Variants in PTN observed in about 807,000 individuals in gnomAD.
The protein encoded by PTN is heparin affin regulatory protein.
PTN carries 18 observed loss-of-function variants against 24.1 expected under a neutral mutation model. That is an observed-to-expected ratio of 0.75 (90% CI 0.52 to 1.11). The LOEUF is 1.11. Ranked by LOEUF, PTN falls within the 50% of genes least tolerant of loss-of-function variation. PTN has a pLI of 0.00. For missense variants in PTN, 163 were observed against 198.8 expected (o/e 0.82, Z 1.08); for synonymous variants, 78 against 68.6 (o/e 1.14, Z -0.67).
chr7:137,270,603 A>C (rs2128874317), intron 1 of PTN, among the ~76,000 whole-genome samples: 1 of 152,360 alleles, frequency 6.6e-6, no homozygotes, highest in East Asian at 1.9e-4. Flanking sequence ...TAAATTATTC[A>C]AAAACTTTGT....
At chr7:137,289,202 G>T (rs1216972509) in intron 1 of PTN, among the ~76,000 whole-genome samples, 1 of 152,182 alleles carries the variant, frequency 6.6e-6, no homozygotes, top group East Asian at 1.9e-4. Flanking sequence ...ATTGATAAAA[G>T]AAGGGAACAT....
chr7:137,338,105 C>T (rs988285397), intron 1 of PTN, among the ~76,000 whole-genome samples: 15 of 152,086 alleles, frequency 9.9e-5, no homozygotes, highest in African/African-American at 3.6e-4. Flanking sequence ...AGAAATATAG[C>T]TCCACCTAGA....
At chr7:137,339,338 T>C (rs1450630162) in intron 1 of PTN, among the ~76,000 whole-genome samples, 1 of 152,044 alleles carries the variant, frequency 6.6e-6, no homozygotes, top group Non-Finnish European at 1.5e-5. Flanking sequence ...TGCTACATTG[T>C]CCAGCACAAT....
At chr7:137,302,570 G>A (rs1192096678) in intron 1 of PTN, among the ~76,000 whole-genome samples, 1 of 151,902 alleles carries the variant, frequency 6.6e-6, no homozygotes, top group Non-Finnish European at 1.5e-5. Context: ...AACTATCAGT[G>A]CCCTCGTCTA....
intron 1 of PTN, among the ~76,000 whole-genome samples, chr7:137,292,824 G>A (rs1167648189): frequency 6.6e-6 from 1 of 152,186 alleles, no homozygotes; most frequent in East Asian, 1.9e-4. Flanking sequence ...GCACAGAAAA[G>A]GAGGGCTGAC....
At chr7:137,322,487 T>C (rs1432680445) in intron 1 of PTN, among the ~76,000 whole-genome samples, 1 of 152,220 alleles carries the variant, frequency 6.6e-6, no homozygotes, top group Non-Finnish European at 1.5e-5. Context: ...ACTGACCTTG[T>C]TTTAAGATCA....
intron 1 of PTN, among the ~76,000 whole-genome samples, chr7:137,297,242 T>C (rs1304502070): frequency 2.0e-5 from 3 of 152,124 alleles, no homozygotes; most frequent in East Asian, 1.9e-4. Context: ...ATAGTTAAAT[T>C]TGGTTTGGAT....
intron 1 of PTN, among the ~76,000 whole-genome samples, chr7:137,319,138 T>C (rs1469229982): frequency 6.6e-6 from 1 of 152,180 alleles, no homozygotes; most frequent in Non-Finnish European, 1.5e-5. Context: ...TCTGGAGTAA[T>C]AGGAAATCAT....
chr7:137,231,863 C>T (rs1808432137), intron 4 of PTN, among the ~76,000 whole-genome samples: 1 of 151,878 alleles, frequency 6.6e-6, no homozygotes, highest in African/African-American at 2.4e-5. Context: ...AGAATAGAGA[C>T]CTGATTAAAC....
At chr7:137,311,402 T>C (rs322340) in intron 1 of PTN, among the ~76,000 whole-genome samples, 132,249 of 152,178 alleles carry the variant, frequency 0.87, 57,699 homozygotes, top group Admixed American at 0.92. Flanking sequence ...ACTGGAGTAA[T>C]ATTTTTAATC....
chr7:137,235,669 G>A (rs560923936), intron 4 of PTN, among the ~76,000 whole-genome samples: 1 of 151,964 alleles, frequency 6.6e-6, no homozygotes, highest in Non-Finnish European at 1.5e-5. Flanking sequence ...TACGATATGT[G>A]TGGAAAACAT....
chr7:137,313,648 C>T (rs1006334856), intron 1 of PTN, among the ~76,000 whole-genome samples: 18 of 152,180 alleles, frequency 1.2e-4, no homozygotes, highest in African/African-American at 4.3e-4. Flanking sequence ...CTGCTCCCAG[C>T]CAACACTTTC....
chr7:137,324,360 T>A (rs1015273539), intron 1 of PTN, among the ~76,000 whole-genome samples: 2 of 145,994 alleles, frequency 1.4e-5, no homozygotes, highest in African/African-American at 5.2e-5. Context: ...GTGCAATGAT[T>A]ATGCCTGTGA....
In PTN at chr7:137,297,710, G is replaced by T. The variant is rs58155079; in HGVS notation, c.-1-42736C>A. Among the ~76,000 whole-genome samples, 1,393 of 152,118 alleles carry T rather than the reference G, an allele frequency of 9.2e-3. 14 individuals are homozygous for T. Among genetic ancestry groups the T allele is most frequent in the African/African-American group, 0.032 (1,334 of 41,528 alleles). On this transcript the variant is annotated intron_variant, in intron 1 of 4. Transcript: ENST00000348225. ...TATCCAACACTTTGAATTCCCGACA[G>T]TTCCTCCATTGGCCAAAGCAAAGCA...
intron 1 of PTN, among the ~76,000 whole-genome samples, chr7:137,294,514 G>A (rs1386572008): frequency 2.0e-5 from 3 of 152,246 alleles, no homozygotes; most frequent in South Asian, 4.1e-4. Context: ...TGGCAGTCAA[G>A]TATCTAGTCT....
chr7:137,286,292 G>A (rs17169038), intron 1 of PTN, among the ~76,000 whole-genome samples: 1 of 152,094 alleles, frequency 6.6e-6, no homozygotes, highest in Non-Finnish European at 1.5e-5. Flanking sequence ...TACAAGGTTT[G>A]ATAGTTGGAA....
chr7:137,299,170 T>C (rs1809766134), intron 1 of PTN, among the ~76,000 whole-genome samples: 1 of 151,894 alleles, frequency 6.6e-6, no homozygotes, highest in Admixed American at 6.6e-5. Flanking sequence ...CAGCCTTTGG[T>C]AGTTCCCGAG....
At chr7:137,274,933 G>A (rs1295525166) in intron 1 of PTN, among the ~76,000 whole-genome samples, 1 of 152,172 alleles carries the variant, frequency 6.6e-6, no homozygotes, top group Non-Finnish European at 1.5e-5. Context: ...CTTCTTATAT[G>A]TAGGCAAAGT....
intron 4 of PTN, among the ~76,000 whole-genome samples, chr7:137,249,848 C>A (rs548122501): frequency 6.6e-6 from 1 of 152,266 alleles, no homozygotes; most frequent in South Asian, 2.1e-4. Flanking sequence ...CCTAGACTCA[C>A]CACCTGCAGG....
Sources: gnomAD v4.1 joint callset for allele counts (sites outside exome capture counted in the v4.1 genomes callset) on GRCh38, gnomAD v4.1.1 for gene constraint, MANE v1.5 for transcripts, NCBI Gene and HGNC (gene_info 2026-07-23, HGNC 2026-07-21) for gene names.